Variants in PRCP observed in about 807,000 individuals in gnomAD.
The protein encoded by PRCP is prolylcarboxypeptidase.
In PRCP, 46 loss-of-function variants were observed where a neutral mutation model predicts 54.2. The ratio of observed to expected loss-of-function variants is 0.85; its 90% confidence interval spans 0.67 to 1.09. The LOEUF is 1.09. Among genes scored for constraint, PRCP ranks in the 50% least tolerant of loss-of-function variants. The pLI is 0.00. For synonymous variants in PRCP, 240 were observed against 212.2 expected (o/e 1.13, Z -1.14); for missense variants, 613 against 596.8 (o/e 1.03, Z -0.28).
intron 6 of PRCP, chr11:82,840,917 T>C (rs1006551890): frequency 4.6e-5 from 7 of 151,988 alleles, no homozygotes; most frequent in Non-Finnish European, 1.0e-4. Flanking sequence ...ACACACAGCT[T>C]AGGAAGTGTC....
rs1042419880 is a variant in PRCP at position 82,823,631 on chromosome 11, A to T, written c.*1275T>A. 2 of 152,218 alleles carry T rather than the reference A, an allele frequency of 1.3e-5. No homozygotes were observed. Among genetic ancestry groups the T allele is most frequent in the Non-Finnish European group, 1.5e-5 (1 of 68,038 alleles). 9.4% of individuals were successfully genotyped at this position (152,218 alleles called of 1,614,324 possible). A position where few individuals can be genotyped will look rare whatever the true frequency, so the allele number is the denominator to read the frequency against. The stretch of plus-strand genomic sequence containing the variant: ...TTCCCAAGGCAGGGTGAAGAAAAAA[A>T]AATTATTGAGAGAAAATGAAAAGAA... On this transcript the variant is annotated 3_prime_UTR_variant, in exon 9 of 9. Transcript: ENST00000313010.
rs551814736 is a variant in PRCP at position 82,866,310 on chromosome 11, G to A, written c.169-6193C>T. 4.8e-4 allele frequency among the ~76,000 whole-genome samples: 73 copies of A among 152,306 alleles called. 1 individual carries two copies. The highest frequency in any genetic ancestry group is 1.6e-3 in the African/African-American group (67 of 41,570). On this transcript the variant is annotated intron_variant, in intron 1 of 8. Coordinates refer to ENST00000313010, the MANE Select transcript of PRCP (RefSeq NM_005040.4). ...AGATACTGTCCTCCCTTCCCACGAA[G>A]ATGCTCTCGTCATTGCCAACCTTAG...
At position 82,849,298 on chromosome 11, in the gene PRCP, G is replaced by A. The variant is rs1022724702; in HGVS notation, c.752-80C>T. ...TTACAGATCATTTATTCTTCACATA[G>A]TATTTTAGAAAACTCAATCTTTTAT... On this transcript the variant is annotated intron_variant, in intron 5 of 8. Transcript: ENST00000313010. The A allele has an allele frequency of 7.5e-6, 11 of 1,461,662 alleles. No individual in the cohort carries two copies. In the African/African-American group the frequency reaches 1.3e-4, roughly 17 times the overall value. The allele number at this position is 1,461,662 out of a possible 1,614,324, so 90.5% of individuals were successfully genotyped here. A position where few individuals can be genotyped will look rare whatever the true frequency, so the allele number is the denominator to read the frequency against.
chr11:82,850,229 G>C (rs1858918643), intron 4 of PRCP, 95 bp downstream of exon 4: 1 of 1,201,896 alleles, frequency 8.3e-7, no homozygotes, highest in Admixed American at 3.3e-5. Context: ...GAAACCTCAG[G>C]GTAATGGCAT....
chr11:82,884,937 C>T, intron 1 of PRCP: 1 of 1,600,192 alleles, frequency 6.2e-7, no homozygotes, highest in Non-Finnish European at 8.5e-7. Context: ...AAAGGTTTTA[C>T]TAGCACACAC....
At position 82,849,977 on chromosome 11, in the gene PRCP, C is replaced by G; in HGVS notation, c.688G>C (p.Gly230Arg). 6.5e-7 allele frequency: 1 copy of G among 1,547,914 alleles called. No homozygotes were observed. Among genetic ancestry groups the G allele is most frequent in the Non-Finnish European group, 8.7e-7 (1 of 1,145,048 alleles). Reference sequence around the variant, plus strand: ...TGGATGCTCTCTGAACAATGTGGACCGCTTTTCCTAAAATCTGTAGTTACG... The same window carrying G: ...TGGATGCTCTCTGAACAATGTGGACGGCTTTTCCTAAAATCTGTAGTTACG... ...KIVTTDFRKSGPHCSESIHRS... is the reference protein window; with the variant it reads ...KIVTTDFRKSRPHCSESIHRS... Residue 230 changes from glycine to arginine, a missense_variant, in exon 5 of 9, where the codon GGT becomes CGT. Physicochemically the swap from Gly to Arg is moderately radical, Grantham distance 125 (BLOSUM62 -2). Transcript: ENST00000313010.
intron 1 of PRCP, among the ~76,000 whole-genome samples, chr11:82,869,368 A>AAAG (rs1216141793): frequency 6.6e-6 from 1 of 151,326 alleles, no homozygotes; most frequent in Non-Finnish European, 1.5e-5. Flanking sequence ...AAAAAAAAAA[A>AAAG]AAGAAGAAGA....
At chr11:82,884,159 A>G (rs1027988785) in intron 1 of PRCP, among the ~76,000 whole-genome samples, 1 of 152,240 alleles carries the variant, frequency 6.6e-6, no homozygotes, top group Non-Finnish European at 1.5e-5. Flanking sequence ...TATCTGCTGA[A>G]TCACAGCCAT....
At chr11:82,882,125 G>T (rs1057457585) in intron 1 of PRCP, among the ~76,000 whole-genome samples, 1 of 152,068 alleles carries the variant, frequency 6.6e-6, no homozygotes, top group Admixed American at 6.5e-5. Flanking sequence ...GGCTGAACAG[G>T]AGGAGGAGAA....
chr11:82,884,786 G>A (rs778348567), intron 1 of PRCP: 14 of 1,608,620 alleles, frequency 8.7e-6, no homozygotes, highest in Non-Finnish European at 1.2e-5. Context: ...CTTTCAGCTT[G>A]TTTTCTCAAA....
intron 1 of PRCP, among the ~76,000 whole-genome samples, chr11:82,869,665 A>G (rs1433681740): frequency 1.3e-5 from 2 of 152,238 alleles, no homozygotes; most frequent in East Asian, 1.9e-4. Flanking sequence ...TAGAAGACCA[A>G]TGAATATATA....
intron 1 of PRCP, among the ~76,000 whole-genome samples, chr11:82,884,090 C>T (rs1859812179): frequency 6.6e-6 from 1 of 152,236 alleles, no homozygotes; most frequent in Non-Finnish European, 1.5e-5. Context: ...ACCCACAGTT[C>T]AAGCTGCATA....
chr11:82,870,998 A>G (rs1316765699), intron 1 of PRCP, among the ~76,000 whole-genome samples: 1 of 152,132 alleles, frequency 6.6e-6, no homozygotes, highest in Non-Finnish European at 1.5e-5. Flanking sequence ...TTAAGGAGTA[A>G]ATAATCTTGC....
At chr11:82,888,160 A>G (rs1859912363) in intron 1 of PRCP, among the ~76,000 whole-genome samples, 6 of 152,242 alleles carry the variant, frequency 3.9e-5, no homozygotes, top group Admixed American at 3.9e-4. Context: ...GAGAAAAAGT[A>G]TCGCACCTTT....
intron 1 of PRCP, among the ~76,000 whole-genome samples, chr11:82,868,717 T>C (rs1179955214): frequency 6.6e-6 from 1 of 152,084 alleles, no homozygotes; most frequent in African/African-American, 2.4e-5. Flanking sequence ...AAGAGGTTTA[T>C]GAGGGGAAGA....
chr11:82,877,848 C>T (rs1290998193), intron 1 of PRCP, among the ~76,000 whole-genome samples: 1 of 152,174 alleles, frequency 6.6e-6, no homozygotes, highest in African/African-American at 2.4e-5. Flanking sequence ...GAGAAGAGGG[C>T]CACCATCCTC....
intron 8 of PRCP, among the ~76,000 whole-genome samples, chr11:82,832,829 C>G (rs1006338313): frequency 9.2e-5 from 14 of 152,184 alleles, no homozygotes; most frequent in Admixed American, 2.0e-4. Flanking sequence ...TGTTTCACAG[C>G]TAGTGGTCAT....
chr11:82,894,371 T>C (rs1444647354), intron 1 of PRCP, among the ~76,000 whole-genome samples: 2 of 152,242 alleles, frequency 1.3e-5, no homozygotes, highest in Non-Finnish European at 2.9e-5. Context: ...GTCAAGATAG[T>C]AAAGTTGTTT....
chr11:82,833,435 A>T (rs1036858854), intron 8 of PRCP, among the ~76,000 whole-genome samples: 5 of 152,222 alleles, frequency 3.3e-5, no homozygotes, highest in Non-Finnish European at 5.9e-5. Flanking sequence ...TTAAAAAGTC[A>T]GGAAACAACA....
Sources: allele counts gnomAD v4.1 joint callset (sites outside exome capture counted in the v4.1 genomes callset), GRCh38; gene constraint gnomAD v4.1.1; transcripts MANE v1.5; gene names NCBI Gene and HGNC (gene_info 2026-07-23, HGNC 2026-07-21).